The following AGBL4 variants were observed in gnomAD, a reference collection of about 807,000 sequenced individuals.
AGBL4 encodes the protein AGBL carboxypeptidase 4.
In AGBL4, 58 loss-of-function variants were observed where a neutral mutation model predicts 66.4. That is an observed-to-expected ratio of 0.87 (90% CI 0.71 to 1.09). The LOEUF is 1.09. AGBL4 is among the 50% of genes least tolerant of loss of function. The pLI is 0.00. For missense variants in AGBL4, 579 were observed against 631.0 expected (o/e 0.92, Z 0.88); for synonymous variants, 234 against 222.9 (o/e 1.05, Z -0.44).
intron 1 of AGBL4, among the ~76,000 whole-genome samples, chr1:50,001,120 T>TTA (rs1003579052): frequency 7.2e-5 from 11 of 151,752 alleles, no homozygotes; most frequent in Admixed American, 3.3e-4. Context: ...CATGAAGTGA[T>TTA]TATATATATG....
At chr1:49,734,946 G>A (rs1017661941) in intron 2 of AGBL4, among the ~76,000 whole-genome samples, 5 of 152,052 alleles carry the variant, frequency 3.3e-5, no homozygotes, top group African/African-American at 1.2e-4. Flanking sequence ...ATATCTGAGA[G>A]TTGAAAAATA....
chr1:48,639,087 T>C (rs1570096081), intron 8 of AGBL4, among the ~76,000 whole-genome samples: 1 of 152,286 alleles, frequency 6.6e-6, no homozygotes, highest in South Asian at 2.1e-4. Context: ...GAAGGAAAAT[T>C]GTTAGAGGTC....
intron 2 of AGBL4, among the ~76,000 whole-genome samples, chr1:49,727,687 G>T (rs1158318144): frequency 1.3e-5 from 2 of 152,098 alleles, no homozygotes; most frequent in African/African-American, 4.8e-5. Context: ...AGACTAATAA[G>T]CCTGTGAAGC....
Position 48,860,126 on chromosome 1 carries a change from T to C in AGBL4, c.634+7065A>G, listed in dbSNP as rs986459278. 3.3e-5 allele frequency among the ~76,000 whole-genome samples: 5 copies of C among 152,224 alleles called. No homozygotes were observed. The East Asian group carries it at 7.7e-4, about 23-fold the overall frequency. On this transcript the variant is annotated intron_variant, in intron 6 of 13. Coordinates refer to ENST00000371839, the MANE Select transcript of AGBL4 (RefSeq NM_032785.4). ...TCAGTCTGCTGGTAAGGATTTTACC[T>C]GGACAGGAAAAGAATACGGTACTTC...
chr1:49,674,295 A>G (rs1646537755), intron 3 of AGBL4, among the ~76,000 whole-genome samples: 1 of 151,928 alleles, frequency 6.6e-6, no homozygotes, highest in Non-Finnish European at 1.5e-5. Flanking sequence ...ACACTCAATT[A>G]CCTTGCATTT....
chr1:49,277,603 A>T (rs779351155), intron 3 of AGBL4, among the ~76,000 whole-genome samples: 45 of 152,136 alleles, frequency 3.0e-4, no homozygotes, highest in Non-Finnish European at 5.3e-4. Context: ...TCCACTAGAT[A>T]GCTAAAGAAA....
rs533036 is a variant in AGBL4 at position 49,085,498 on chromosome 1, A to G, written c.378-39698T>C. ...TGAGCCAATTACTATAAAAATATCT[A>G]TCTAGGAGTTGGGTCAAGATGGTGG... On this transcript the variant is annotated intron_variant, in intron 4 of 13. Coordinates refer to ENST00000371839, the MANE Select transcript of AGBL4 (RefSeq NM_032785.4). 5.7e-3 allele frequency among the ~76,000 whole-genome samples: 873 copies of G among 152,070 alleles called. 11 individuals are homozygous for G. Among genetic ancestry groups the G allele is most frequent in the African/African-American group, 0.02 (827 of 41,490 alleles).
At position 48,839,517 on chromosome 1, in the gene AGBL4, A is replaced by G. The variant is rs553592075; in HGVS notation, c.634+27674T>C. Reference sequence around the variant, plus strand: ...ATGTTCTTACTTGTATGTGAGAGCTAAAAACATTGATGTCCTGGAGGTAGT... The same window carrying G: ...ATGTTCTTACTTGTATGTGAGAGCTGAAAACATTGATGTCCTGGAGGTAGT... On this transcript the variant is annotated intron_variant, in intron 6 of 13. Coordinates refer to ENST00000371839, the MANE Select transcript of AGBL4 (RefSeq NM_032785.4). Among the ~76,000 whole-genome samples, 9 of 152,242 alleles carry G rather than the reference A, an allele frequency of 5.9e-5. No individual in the cohort carries two copies. The South Asian group carries it at 1.7e-3, about 28-fold the overall frequency.
intron 2 of AGBL4, among the ~76,000 whole-genome samples, chr1:49,727,566 T>A (rs1387931922): frequency 6.6e-6 from 1 of 152,132 alleles, no homozygotes; most frequent in African/African-American, 2.4e-5. Context: ...ATGCATATGA[T>A]TGACATTATT....
chr1:48,945,015 A>T (rs1402069207), intron 5 of AGBL4, among the ~76,000 whole-genome samples: 1 of 152,198 alleles, frequency 6.6e-6, no homozygotes, highest in Admixed American at 6.5e-5. Context: ...CATGGAAACT[A>T]TGTGATTACT....
rs78041021 is a variant in AGBL4, at chr1:48,564,478, C to T, written c.1267+22526G>A. On this transcript the variant is annotated intron_variant, in intron 11 of 13. Coordinates refer to ENST00000371839, the MANE Select transcript of AGBL4 (RefSeq NM_032785.4). ...GCTCCACACTGTCTTTACCTCTGGG[C>T]TCCTCCTCATACTACTTGGCCCCTG... Among the ~76,000 whole-genome samples, 832 of 151,782 alleles carry T rather than the reference C, an allele frequency of 5.5e-3. 7 individuals are homozygous for T. The highest frequency in any genetic ancestry group is 0.017 in the African/African-American group (721 of 41,364).
At chr1:48,587,618 T>TA (rs1644844268) in intron 10 of AGBL4, among the ~76,000 whole-genome samples, 1 of 137,350 alleles carries the variant, frequency 7.3e-6, no homozygotes, top group African/African-American at 2.7e-5. Flanking sequence ...TTATTATTAT[T>TA]TTATTTATTT....
intron 6 of AGBL4, among the ~76,000 whole-genome samples, chr1:48,792,560 A>T (rs868280293): frequency 6.6e-6 from 1 of 152,206 alleles, no homozygotes; most frequent in African/African-American, 2.4e-5. Context: ...CTCGATATTC[A>T]TGGAGGTATG....
intron 1 of AGBL4, among the ~76,000 whole-genome samples, chr1:49,917,477 G>C (rs1651673716): frequency 6.6e-6 from 1 of 151,940 alleles, no homozygotes; most frequent in African/African-American, 2.4e-5. Flanking sequence ...AAGATCAAAA[G>C]AGACAAAGAA....
Position 49,878,537 on chromosome 1 carries a change from A to G in AGBL4, c.35-27019T>C, listed in dbSNP as rs530015509. 4.6e-5 allele frequency among the ~76,000 whole-genome samples: 7 copies of G among 152,012 alleles called. No individual in the cohort carries two copies. The South Asian group carries it at 1.5e-3, about 32-fold the overall frequency. ...GTGGTCTGAGAGATAGTTTGTTATA[A>G]TTTCTGTTCTTTTACATTTGCTGAG... On this transcript the variant is annotated intron_variant, in intron 1 of 13. Coordinates refer to ENST00000371839, the MANE Select transcript of AGBL4 (RefSeq NM_032785.4).
At chr1:49,044,218 C>CAGGG (rs1274936476) in intron 5 of AGBL4, among the ~76,000 whole-genome samples, 10 of 152,136 alleles carry the variant, frequency 6.6e-5, no homozygotes, top group Non-Finnish European at 1.5e-4. Flanking sequence ...TAGGAAGAGG[C>CAGGG]AGGGTACGGT....
intron 2 of AGBL4, among the ~76,000 whole-genome samples, chr1:49,748,059 C>A (rs1335441460): frequency 2.0e-5 from 3 of 151,650 alleles, no homozygotes; most frequent in African/African-American, 4.8e-5. Flanking sequence ...ATGTGCAGAA[C>A]GTGCAAGTTT....
chr1:48,592,863 GA>G (rs540846986), intron 9 of AGBL4, among the ~76,000 whole-genome samples: 1,952 of 151,884 alleles, frequency 0.013, 19 homozygotes, highest in South Asian at 0.022. Flanking sequence ...AAATTTTTTT[GA>G]AAAAAATTAA....
chr1:48,856,397 G>A (rs1173088632), intron 6 of AGBL4, among the ~76,000 whole-genome samples: 1 of 152,210 alleles, frequency 6.6e-6, no homozygotes, highest in Non-Finnish European at 1.5e-5. Context: ...TTGTGCTAAG[G>A]TTGTGGGATT....
Sources: allele counts gnomAD v4.1 joint callset (sites outside exome capture counted in the v4.1 genomes callset), GRCh38; gene constraint gnomAD v4.1.1; transcripts MANE v1.5; gene names NCBI Gene and HGNC (gene_info 2026-07-23, HGNC 2026-07-21).